The following CDH20 variants were observed in gnomAD, a reference collection of about 807,000 sequenced individuals.
CDH20 encodes the protein cadherin-20.
In CDH20, 29 loss-of-function variants were observed where a neutral mutation model predicts 74.2. The ratio of observed to expected loss-of-function variants is 0.39; its 90% CI spans 0.29 to 0.53. CDH20 has a LOEUF of 0.53. CDH20 is among the 20% of genes least tolerant of loss of function. The pLI, the probability that CDH20 is intolerant of heterozygous loss-of-function variation, is 0.69. For synonymous variants in CDH20, 469 were observed against 405.4 expected (o/e 1.16, Z -1.88); for missense variants, 988 against 1,048.3 (o/e 0.94, Z 0.79).
chr18:61,345,533 C>T (rs1194763371), intron 1 of CDH20, among the ~76,000 whole-genome samples: 1 of 152,182 alleles, frequency 6.6e-6, no homozygotes, highest in Non-Finnish European at 1.5e-5. Flanking sequence ...CTTACCATAA[C>T]ATTTGCTCAT....
At chr18:61,354,104 G>C (rs554240498) in intron 1 of CDH20, among the ~76,000 whole-genome samples, 1 of 151,964 alleles carries the variant, frequency 6.6e-6, no homozygotes, top group Non-Finnish European at 1.5e-5. Context: ...TCCATCTCAT[G>C]AGCCACATTT....
chr18:61,516,704 A>G (rs1912013959), intron 6 of CDH20, among the ~76,000 whole-genome samples: 2 of 152,210 alleles, frequency 1.3e-5, no homozygotes, highest in Admixed American at 1.3e-4. Flanking sequence ...ATTCAAGAGG[A>G]AAAAGCCAAA....
intron 1 of CDH20, among the ~76,000 whole-genome samples, chr18:61,389,950 C>T (rs1428165725): frequency 2.0e-5 from 3 of 152,104 alleles, no homozygotes; most frequent in African/African-American, 7.2e-5. Flanking sequence ...AAATATGCTC[C>T]AGTAACAGTC....
chr18:61,443,218 C>T (rs1909089419), intron 1 of CDH20, among the ~76,000 whole-genome samples: 2 of 152,194 alleles, frequency 1.3e-5, no homozygotes, highest in Admixed American at 6.5e-5. Context: ...AATCAAATGC[C>T]TCTAAGGGCC....
At chr18:61,468,129 C>T (rs1190926084) in intron 1 of CDH20, among the ~76,000 whole-genome samples, 1 of 152,188 alleles carries the variant, frequency 6.6e-6, no homozygotes, top group Non-Finnish European at 1.5e-5. Flanking sequence ...GTACATATCA[C>T]GGGTCCCTTT....
rs367601432 is a variant in CDH20, at chr18:61,490,779, G to C, written c.226G>C (p.Asp76His). 6 of 1,613,980 alleles carry C rather than the reference G, an allele frequency of 3.7e-6. No homozygotes were observed. In the South Asian group the frequency reaches 5.5e-5, roughly 15 times the overall value. Residue 76 changes from aspartate (D) to histidine (H), a missense_variant, in exon 2 of 12, where the codon GAC becomes CAC. Physicochemically the swap from Asp to His is moderately conservative, Grantham distance 81 (BLOSUM62 -1). This residue lies in a region of CDH20 where 613 missense variants were observed against 755.2 expected (regional missense o/e 0.81). Coordinates refer to ENST00000262717, the MANE Select transcript of CDH20 (RefSeq NM_031891.4). ...FFVLEEYTGT[D>H]PLYVGKLHSD... ...CGTTCTGGAAGAGTACACTGGGACC[G>C]ACCCTTTGTATGTCGGCAAGGTAAG...
chr18:61,365,886 C>T (rs12965164), intron 1 of CDH20, among the ~76,000 whole-genome samples: 33,672 of 152,030 alleles, frequency 0.22, 4,837 homozygotes, highest in Middle Eastern at 0.45. Context: ...AAAAATTGAC[C>T]TTTGAGGGTG....
chr18:61,538,602 G>GTTTTTTTTT (rs1227502362), intron 8 of CDH20, among the ~76,000 whole-genome samples: 17 of 50,436 alleles, frequency 3.4e-4, no homozygotes, highest in Admixed American at 5.1e-4. Flanking sequence ...GTTTGTTTTT[G>GTTTTTTTTT]TTTTTGTTTT....
In CDH20 at chr18:61,433,975, C is replaced by A. The variant is rs181631204; in HGVS notation, c.-152-56427C>A. ...GGTATTGAGTTCATGGGTGTTTGAC[C>A]AGATTTTCCCTGAAGAAAGGTCTGG... On this transcript the variant is annotated intron_variant, in intron 1 of 11. Coordinates refer to ENST00000262717, the MANE Select transcript of CDH20 (RefSeq NM_031891.4). Among the ~76,000 whole-genome samples, 10 of 152,162 alleles carry A rather than the reference C, an allele frequency of 6.6e-5. No homozygotes were observed. The East Asian group carries it at 1.9e-3, about 30-fold the overall frequency.
intron 4 of CDH20, among the ~76,000 whole-genome samples, chr18:61,501,529 T>C (rs1476964556): frequency 2.0e-5 from 3 of 152,094 alleles, no homozygotes; most frequent in African/African-American, 7.2e-5. Context: ...GTAAAGAAAC[T>C]TACAGCCACA....
chr18:61,484,723 T>C (rs1306109803), intron 1 of CDH20, among the ~76,000 whole-genome samples: 1 of 150,684 alleles, frequency 6.6e-6, no homozygotes, highest in Non-Finnish European at 1.5e-5. Flanking sequence ...TCTACCAATT[T>C]TTTTTGCTCT....
At chr18:61,437,539 T>G (rs1908879346) in intron 1 of CDH20, among the ~76,000 whole-genome samples, 1 of 152,166 alleles carries the variant, frequency 6.6e-6, no homozygotes, top group African/African-American at 2.4e-5. Context: ...ACCCCACTGG[T>G]GCCATAAGAA....
At chr18:61,366,802 C>T (rs553092086) in intron 1 of CDH20, among the ~76,000 whole-genome samples, 23 of 151,894 alleles carry the variant, frequency 1.5e-4, no homozygotes, top group Non-Finnish European at 2.5e-4. Context: ...AAAGCAGAGA[C>T]GTTGTAAAAA....
In CDH20 at chr18:61,369,139, C is replaced by T. The variant is rs143039439; in HGVS notation, c.-153+35312C>T. Among the ~76,000 whole-genome samples, 118 of 151,788 alleles carry T rather than the reference C, an allele frequency of 7.8e-4. 3 individuals are homozygous for T. The East Asian group carries it at 0.011, about 14-fold the overall frequency. Reference sequence around the variant, plus strand: ...TTATTATGTAGGTCTACTCTGCATCCGGTGGATATGTATATTTCAAATAAG... The same window carrying T: ...TTATTATGTAGGTCTACTCTGCATCTGGTGGATATGTATATTTCAAATAAG... On this transcript the variant is annotated intron_variant, in intron 1 of 11. Transcript: ENST00000262717.
At chr18:61,472,692 C>G (rs1444368927) in intron 1 of CDH20, among the ~76,000 whole-genome samples, 2 of 152,294 alleles carry the variant, frequency 1.3e-5, no homozygotes, top group East Asian at 3.9e-4. Context: ...GGGAGCCAAA[C>G]AAAGTGATCT....
intron 6 of CDH20, among the ~76,000 whole-genome samples, chr18:61,515,034 C>G (rs1399886229): frequency 6.6e-6 from 1 of 151,938 alleles, no homozygotes; most frequent in Non-Finnish European, 1.5e-5. Context: ...CCACCCAGTT[C>G]GAGCTTCCTG....
chr18:61,470,967 C>G (rs1295380544), intron 1 of CDH20, among the ~76,000 whole-genome samples: 4 of 151,756 alleles, frequency 2.6e-5, no homozygotes, highest in Non-Finnish European at 4.4e-5. Flanking sequence ...GAAATACCAC[C>G]AAGACGCATT....
At chr18:61,339,701 T>TTTTTTTTTTTTTTTTC (rs58434671) in intron 1 of CDH20, among the ~76,000 whole-genome samples, 5 of 122,946 alleles carry the variant, frequency 4.1e-5, no homozygotes, top group Admixed American at 1.0e-4. Context: ...TTTTTTTTTT[T>TTTTTTTTTTTTTTTTC]TTTTGAGATG....
chr18:61,410,258 A>G (rs1474252008), intron 1 of CDH20, among the ~76,000 whole-genome samples: 1 of 152,234 alleles, frequency 6.6e-6, no homozygotes, highest in East Asian at 1.9e-4. Flanking sequence ...ATATTAAAAA[A>G]TAACAGCAAA....
Sources: gnomAD v4.1 joint callset for allele counts (sites outside exome capture counted in the v4.1 genomes callset) on GRCh38, gnomAD v4.1.1 for gene constraint, gnomAD v4.1.1 regional missense constraint, MANE v1.5 for transcripts, NCBI Gene and HGNC (gene_info 2026-07-23, HGNC 2026-07-21) for gene names.